KLHL24: variants seen among roughly 807,000 people sequenced by gnomAD.
KLHL24 encodes kelch like family member 24.
Under a neutral mutation model 53.4 loss-of-function variants are expected in KLHL24, and 29 were observed. That is an observed-to-expected ratio of 0.54 (90% CI 0.40 to 0.74). The LOEUF (loss-of-function observed/expected upper bound fraction) is 0.74, where lower values mean the gene tolerates loss of function less well. Ranked by LOEUF, KLHL24 falls within the 30% of genes least tolerant of loss-of-function variation. KLHL24 has a pLI of 0.00. For missense variants in KLHL24, 504 were observed against 744.0 expected (o/e 0.68, Z 3.75); for synonymous variants, 222 against 253.7 (o/e 0.88, Z 1.19).
At chr3:183,655,879 C>T (rs373857533) in intron 3 of KLHL24, among the ~76,000 whole-genome samples, 44 of 151,718 alleles carry the variant, frequency 2.9e-4, no homozygotes, top group Middle Eastern at 3.4e-3. Flanking sequence ...TGCAGTGAGC[C>T]GAGATCGCGC....
rs766737833 is a variant in KLHL24, at chr3:183,679,256, T to C, written c.1773T>C (p.His591=). The change falls in exon 8 of 8, where the codon CAT becomes CAC. Residue 591 remains histidine, a synonymous_variant. Coordinates refer to ENST00000242810, the MANE Select transcript of KLHL24 (RefSeq NM_017644.3). Reference sequence around the variant, plus strand: ...CCTATCATGGCTGTGTGACTATTCATAGATACAATGAGAAATGCTTTAAAC... The same window carrying C: ...CCTATCATGGCTGTGTGACTATTCACAGATACAATGAGAAATGCTTTAAAC... The part of the protein sequence containing the change: ...PVSYHGCVTI[H]RYNEKCFKL 1.2e-6 allele frequency: 2 copies of C among 1,614,018 alleles called. No homozygotes were observed. Among genetic ancestry groups the C allele is most frequent in the African/African-American group, 1.3e-5 (1 of 75,036 alleles).
chr3:183,672,223 TGGTAGATTCTTTATTA>T (rs1333145968), intron 6 of KLHL24, 57 bp from the exon 7 acceptor site: 1 of 690,802 alleles, frequency 1.4e-6, no homozygotes, highest in Non-Finnish European at 2.2e-6. Flanking sequence ...TTGTAGGTAT[TGGTAGATTCTTTATTA>T]AGTACATTTC....
At chr3:183,673,418 A>G (rs749402128) in intron 7 of KLHL24, among the ~76,000 whole-genome samples, 1 of 151,754 alleles carries the variant, frequency 6.6e-6, no homozygotes, top group Admixed American at 6.6e-5. Flanking sequence ...TTTTTTCACA[A>G]TCCTACTCCA....
chr3:183,665,069 C>A, intron 5 of KLHL24, 30 bp downstream of exon 5: 1 of 1,139,618 alleles, frequency 8.8e-7, no homozygotes, highest in Non-Finnish European at 1.3e-6. Flanking sequence ...ATTACTATTG[C>A]TGGTACCTTT....
In KLHL24 at chr3:183,650,614, C is replaced by A; in HGVS notation, c.258C>A (p.Ala86=). ...EFPCHRAVLS[A]CSSYFRAMFC... is the part of the protein sequence containing the mutation. ...CTTGCCATAGAGCTGTGCTCTCAGC[C>A]TGTAGCAGCTACTTCAGAGCTATGT... Residue 86 remains alanine, a synonymous_variant, in exon 3 of 8, where the codon GCC becomes GCA. Coordinates refer to ENST00000242810, the MANE Select transcript of KLHL24 (RefSeq NM_017644.3). This position sits in a 1 kb window ranked among gnomAD's most constrained non-coding sequence, Gnocchi z 4.5. 6.2e-7 allele frequency: 1 copy of A among 1,614,188 alleles called. No homozygotes were observed. Among genetic ancestry groups the A allele is most frequent in the Non-Finnish European group, 8.5e-7 (1 of 1,180,026 alleles).
chr3:183,667,019 A>G (rs534302049), intron 5 of KLHL24, among the ~76,000 whole-genome samples: 5 of 152,282 alleles, frequency 3.3e-5, no homozygotes, highest in Admixed American at 1.3e-4. Flanking sequence ...AGTACCACCA[A>G]TAAAAAAACA....
intron 3 of KLHL24, among the ~76,000 whole-genome samples, chr3:183,653,214 A>G (rs1718372610): frequency 6.6e-6 from 1 of 152,250 alleles, no homozygotes; most frequent in African/African-American, 2.4e-5. Flanking sequence ...GCAGACTCTT[A>G]AAAATACGAT....
rs759002375 is a variant in KLHL24, at chr3:183,650,470, G to C, written c.114G>C (p.Glu38Asp). Residue 38 changes from glutamate (E) to aspartate (D), a missense_variant, in exon 3 of 8, where the codon GAG (glutamate) becomes GAC (aspartate). Physicochemically the swap from Glu to Asp is conservative, Grantham distance 45. Coordinates refer to ENST00000242810, the MANE Select transcript of KLHL24 (RefSeq NM_017644.3). This position sits in a 1 kb window ranked among gnomAD's most constrained non-coding sequence, Gnocchi z 4.5. ...ACCCCAAATCTCTGACAGGTCATGA[G>C]TTTTTTGACTTCTCTTCAGGATCAT... ...EMDPKSLTGHEFFDFSSGSSH... is the reference protein window; with the variant it reads ...EMDPKSLTGHDFFDFSSGSSH... 33 of 1,613,996 alleles carry C rather than the reference G, an allele frequency of 2.0e-5. No homozygotes were observed. The highest frequency in any genetic ancestry group is 2.8e-5 in the Non-Finnish European group (33 of 1,180,024).
At chr3:183,668,893 TC>T (rs1720947721) in intron 5 of KLHL24, among the ~76,000 whole-genome samples, 1 of 151,078 alleles carries the variant, frequency 6.6e-6, no homozygotes, top group Non-Finnish European at 1.5e-5. Context: ...TGAGACTCTG[TC>T]AAAAAAAAGA....
intron 7 of KLHL24, among the ~76,000 whole-genome samples, chr3:183,675,805 G>C (rs1223595515): frequency 6.6e-6 from 1 of 151,776 alleles, no homozygotes; most frequent in Non-Finnish European, 1.5e-5. Flanking sequence ...AAAAGAAAAA[G>C]AATTACCATT....
intron 1 of KLHL24, among the ~76,000 whole-genome samples, chr3:183,640,951 A>G (rs1716328269): frequency 6.6e-6 from 1 of 152,072 alleles, no homozygotes; most frequent in Admixed American, 6.6e-5. Flanking sequence ...TTCCATTAAG[A>G]AACTGGAAAT....
At chr3:183,670,933 C>T in intron 5 of KLHL24, 101 bp from the exon 6 acceptor site, 1 of 778,056 alleles carries the variant, frequency 1.3e-6, no homozygotes, top group Non-Finnish European at 2.1e-6. Context: ...ATTTATTTAG[C>T]AAGGGCATTT....
At chr3:183,658,630 CTT>C (rs759151793) in intron 3 of KLHL24, among the ~76,000 whole-genome samples, 20 of 152,098 alleles carry the variant, frequency 1.3e-4, no homozygotes, top group Non-Finnish European at 2.8e-4. Context: ...CATTTTAAAT[CTT>C]TACAGATATT....
rs919447454 is a variant in KLHL24, at chr3:183,679,697, G to C, written c.*411G>C. The C allele has an allele frequency of 1.9e-5, 3 of 157,584 alleles. No individual in the cohort carries two copies. The highest frequency in any genetic ancestry group is 7.2e-5 in the African/African-American group (3 of 41,496). The allele number at this position is 157,584 out of a possible 1,614,324, so 9.8% of individuals were successfully genotyped here. A position where few individuals can be genotyped will look rare whatever the true frequency, so the allele number is the denominator to read the frequency against. On this transcript the variant is annotated 3_prime_UTR_variant, in exon 8 of 8. Transcript: ENST00000242810. ...ATTGCATGACTTGAGGCATCATTTA[G>C]GTTGAAGAAGTTAATGCTTAGGATG...
At chr3:183,666,151 G>A (rs939815416) in intron 5 of KLHL24, among the ~76,000 whole-genome samples, 1 of 152,144 alleles carries the variant, frequency 6.6e-6, no homozygotes, top group Non-Finnish European at 1.5e-5. Flanking sequence ...AGAGGGCTGG[G>A]ATTATAGTTA....
intron 7 of KLHL24, among the ~76,000 whole-genome samples, chr3:183,676,435 G>A (rs1711892316): frequency 6.6e-6 from 1 of 152,168 alleles, no homozygotes; most frequent in Non-Finnish European, 1.5e-5. Flanking sequence ...TGAGCCGTGT[G>A]TGATTGTTTA....
At chr3:183,677,440 T>C (rs896151410) in intron 7 of KLHL24, among the ~76,000 whole-genome samples, 1 of 152,204 alleles carries the variant, frequency 6.6e-6, no homozygotes, top group Non-Finnish European at 1.5e-5. Context: ...TATATGATAA[T>C]AGGCTAAGTC....
rs35862164 is a variant in KLHL24 at position 183,649,736 on chromosome 3, T to TAA, written c.-61-550_-61-549dup. On this transcript the variant is annotated intron_variant, in intron 2 of 7. Transcript: ENST00000242810. ...TTCAAGATCCCATCTCTACAAAAAG[T>TAA]AAAAAAAAAAATAGCCAGGCATGGT... Among the ~76,000 whole-genome samples the TAA allele has an allele frequency of 3.2e-3, 473 of 145,946 alleles. 2 individuals are homozygous for TAA. Among genetic ancestry groups the TAA allele is most frequent in the African/African-American group, 0.011 (438 of 40,060 alleles).
At chr3:183,648,228 TGAGAAGAGAG>T (rs1717605143) in intron 2 of KLHL24, among the ~76,000 whole-genome samples, 1 of 151,800 alleles carries the variant, frequency 6.6e-6, no homozygotes, top group African/African-American at 2.4e-5. Flanking sequence ...GGCATTAGAG[TGAGAAGAGAG>T]GATGGAGATA....
Sources: allele counts gnomAD v4.1 joint callset (sites outside exome capture counted in the v4.1 genomes callset), GRCh38; gene constraint gnomAD v4.1.1; non-coding constraint Gnocchi (gnomAD v3.1); transcripts MANE v1.5; gene names NCBI Gene and HGNC (gene_info 2026-07-23, HGNC 2026-07-21).